Variants in ARID5A observed in about 807,000 individuals in gnomAD.
ARID5A encodes AT-rich interaction domain 5A, also known as AT-rich interactive domain-containing protein 5A.
In ARID5A, 14 loss-of-function variants were observed where a neutral mutation model predicts 30.5. The ratio of observed to expected loss-of-function variants is 0.46; its 90% CI spans 0.30 to 0.72. The LOEUF is 0.72. Ranked by LOEUF, ARID5A falls within the 30% of genes least tolerant of loss-of-function variation. The probability of loss-of-function intolerance (pLI) is 0.07; values close to 1 mark genes in which losing one functional copy is unlikely to be tolerated. For synonymous variants in ARID5A, 338 were observed against 340.4 expected, an observed-to-expected ratio of 0.99 and a Z score of 0.08; for missense variants, 669 against 786.2, an observed-to-expected ratio of 0.85 and a Z score of 1.78.
At position 96,550,405 on chromosome 2, in the gene ARID5A, C is replaced by G. The variant is rs1400627583; in HGVS notation, c.410+120C>G. On this transcript the variant is annotated intron_variant, in intron 5 of 6. Coordinates refer to ENST00000357485, the MANE Select transcript of ARID5A (RefSeq NM_212481.3). This position sits in a 1 kb window ranked among gnomAD's most constrained non-coding sequence, Gnocchi z 6.6. Reference sequence around the variant, plus strand: ...GGCAGGGTATGCGCCGTCCTCAGAGCTGCGGGAGCCCAGGCTGGCTGGGCG... The same window carrying G: ...GGCAGGGTATGCGCCGTCCTCAGAGGTGCGGGAGCCCAGGCTGGCTGGGCG... The G allele has an allele frequency of 2.1e-6, 3 of 1,431,728 alleles. No homozygotes were observed. Among genetic ancestry groups the G allele is most frequent in the Non-Finnish European group, 2.7e-6 (3 of 1,095,194 alleles). 88.7% of individuals were successfully genotyped at this position (1,431,728 alleles called of 1,614,324 possible). A position where few individuals can be genotyped will look rare whatever the true frequency, so the allele number is the denominator to read the frequency against.
intron 2 of ARID5A, among the ~76,000 whole-genome samples, chr2:96,548,082 G>C (rs1471065991): frequency 6.6e-6 from 1 of 152,168 alleles, no homozygotes; most frequent in Non-Finnish European, 1.5e-5. Flanking sequence ...AGTTATGAGA[G>C]AGCCTTCCTT....
At position 96,550,816 on chromosome 2, in the gene ARID5A, G is replaced by A; in HGVS notation, c.570+83G>A. 2 of 1,462,702 alleles carry A rather than the reference G, an allele frequency of 1.4e-6. No homozygotes were observed. Among genetic ancestry groups the A allele is most frequent in the Non-Finnish European group, 1.8e-6 (2 of 1,103,326 alleles). 90.6% of individuals were successfully genotyped at this position (1,462,702 alleles called of 1,614,324 possible). On this transcript the variant is annotated intron_variant, in intron 6 of 6. Transcript: ENST00000357485. The surrounding 1 kb of genome is among the most constrained non-coding windows in gnomAD (Gnocchi z 6.6). ...CACAACTCCCTGTGGCCGCGGAGCTGTCTGCTCAGAATACACAGAACCTGC... is the reference window on the plus strand; with the variant it reads ...CACAACTCCCTGTGGCCGCGGAGCTATCTGCTCAGAATACACAGAACCTGC...
intron 1 of ARID5A, among the ~76,000 whole-genome samples, chr2:96,545,152 TTTTC>T (rs1191472157): frequency 2.8e-5 from 4 of 141,272 alleles, no homozygotes; most frequent in African/African-American, 1.1e-4. Flanking sequence ...TTCTTTTTCT[TTTTC>T]TTTTTTTTTT....
chr2:96,552,110 C>T lies in ARID5A; in HGVS notation c.1582C>T (p.Pro528Ser). ...GGGCCAGGCTGCACTCCCCTTCAGC[C>T]CCCTGGTCATCCCGGCCTTCCCGGC... is the stretch of plus-strand genomic sequence containing the variant. ...LKGQAALPFS[P>S]LVIPAFPAHF... The change falls in exon 7 of 7, where the codon CCC (proline) becomes TCC (serine). Residue 528 changes from proline to serine, a missense_variant. Coordinates refer to ENST00000357485, the MANE Select transcript of ARID5A (RefSeq NM_212481.3). 1 of 1,608,080 alleles carries T rather than the reference C, an allele frequency of 6.2e-7. No homozygotes were observed. The highest frequency in any genetic ancestry group is 8.5e-7 in the Non-Finnish European group (1 of 1,177,284).
chr2:96,552,468 G>A lies in ARID5A; in HGVS notation c.*155G>A, dbSNP rs781208272. On this transcript the variant is annotated 3_prime_UTR_variant, in exon 7 of 7. Coordinates refer to ENST00000357485, the MANE Select transcript of ARID5A (RefSeq NM_212481.3). ...TGGCACAAGTGAAGAAGAAGGCAGT[G>A]GGAAAACTGGGTTTATCTCAAGGCA... 6.5e-7 allele frequency: 1 copy of A among 1,540,326 alleles called. No homozygotes were observed.
Position 96,539,472 on chromosome 2 carries a change from C to T in ARID5A, c.4+2642C>T, listed in dbSNP as rs1044896688. 2.6e-5 allele frequency among the ~76,000 whole-genome samples: 4 copies of T among 152,252 alleles called. No homozygotes were observed. Among genetic ancestry groups the T allele is most frequent in the African/African-American group, 4.8e-5 (2 of 41,468 alleles). ...CCACCGCCCGACTGCCTTCACCTTC[C>T]TGCCTTTGCATACCTGCCTTTGCTT... On this transcript the variant is annotated intron_variant, in intron 1 of 6. Coordinates refer to ENST00000357485, the MANE Select transcript of ARID5A (RefSeq NM_212481.3). This position sits in a 1 kb window ranked among gnomAD's most constrained non-coding sequence, Gnocchi z 4.7.
chr2:96,548,817 G>GGGCCACA (rs1437563756), intron 2 of ARID5A, among the ~76,000 whole-genome samples: 1 of 152,218 alleles, frequency 6.6e-6, no homozygotes, highest in Non-Finnish European at 1.5e-5. Flanking sequence ...CGGCAGGCTG[G>GGGCCACA]GGCCACACAG....
In ARID5A at chr2:96,550,951, A is replaced by G; in HGVS notation, c.571-148A>G. 1 of 1,197,630 alleles carries G rather than the reference A, an allele frequency of 8.3e-7. No individual in the cohort carries two copies. Among genetic ancestry groups the G allele is most frequent in the Non-Finnish European group, 1.2e-6 (1 of 856,704 alleles). 74.2% of individuals were successfully genotyped at this position (1,197,630 alleles called of 1,614,324 possible). ...CAGGCACCTGAGGCTGTGTCCACTC[A>G]GAGGACAGGGCACCTTTGGAAAATT... On this transcript the variant is annotated intron_variant, in intron 6 of 6. Coordinates refer to ENST00000357485, the MANE Select transcript of ARID5A (RefSeq NM_212481.3). The surrounding 1 kb of genome is among the most constrained non-coding windows in gnomAD (Gnocchi z 6.6).
intron 1 of ARID5A, among the ~76,000 whole-genome samples, chr2:96,544,828 C>A (rs1052479853): frequency 2.6e-5 from 4 of 152,172 alleles, no homozygotes; most frequent in African/African-American, 9.7e-5. Context: ...CTCTGATGGG[C>A]AAAATACATT....
At chr2:96,546,719 G>T (rs774385461) in intron 1 of ARID5A, among the ~76,000 whole-genome samples, 1 of 152,248 alleles carries the variant, frequency 6.6e-6, no homozygotes, top group Non-Finnish European at 1.5e-5. Flanking sequence ...ACCCTTGTAG[G>T]TGAGGAGAGC....
intron 1 of ARID5A, among the ~76,000 whole-genome samples, chr2:96,544,601 G>GA (rs1021937513): frequency 3.3e-5 from 5 of 152,156 alleles, no homozygotes; most frequent in Non-Finnish European, 5.9e-5. Context: ...CTACTGCTCA[G>GA]AAAAAAGGAT....
Position 96,538,559 on chromosome 2 carries a change from C to T in ARID5A, c.4+1729C>T, listed in dbSNP as rs568339891. 4.6e-5 allele frequency among the ~76,000 whole-genome samples: 7 copies of T among 152,350 alleles called. No individual in the cohort carries two copies. The East Asian group carries it at 1.3e-3, about 29-fold the overall frequency. ...CCATCGCGTTTCTTCTCACTGCTGG[C>T]TCCAGCTCAACACTTGGCAGGCCCC... On this transcript the variant is annotated intron_variant, in intron 1 of 6. Transcript: ENST00000357485.
At position 96,542,541 on chromosome 2, in the gene ARID5A, C is replaced by T. The variant is rs187258651; in HGVS notation, c.5-4861C>T. 1.5e-3 allele frequency among the ~76,000 whole-genome samples: 223 copies of T among 152,300 alleles called. 1 individual carries two copies. The highest frequency in any genetic ancestry group is 5.1e-3 in the African/African-American group (211 of 41,560). ...GCAGAAGGGACTAGGGCCCCTCTCGCCCTGTGGCTCACAACCTGGCTGCCC... is the reference window on the plus strand; with the variant it reads ...GCAGAAGGGACTAGGGCCCCTCTCGTCCTGTGGCTCACAACCTGGCTGCCC... On this transcript the variant is annotated intron_variant, in intron 1 of 6. Coordinates refer to ENST00000357485, the MANE Select transcript of ARID5A (RefSeq NM_212481.3).
chr2:96,537,743 T>G lies in ARID5A; in HGVS notation c.4+913T>G. On this transcript the variant is annotated intron_variant, in intron 1 of 6. Coordinates refer to ENST00000357485, the MANE Select transcript of ARID5A (RefSeq NM_212481.3). The surrounding 1 kb of genome is among the most constrained non-coding windows in gnomAD (Gnocchi z 4.8). ...GGGCCCGCGCTCCGTCCCTCCGCGG[T>G]GTCTAGGGGTCGCCCGGGCTGGGGT... 5 of 495,274 alleles carry G rather than the reference T, an allele frequency of 1.0e-5. No homozygotes were observed. The highest frequency in any genetic ancestry group is 1.3e-5 in the Non-Finnish European group (5 of 382,382). The allele number at this position is 495,274 out of a possible 1,614,324, so 30.7% of individuals were successfully genotyped here. A position where few individuals can be genotyped will look rare whatever the true frequency, so the allele number is the denominator to read the frequency against.
rs751034115 is a variant in ARID5A, at chr2:96,551,347, G to A, written c.819G>A (p.Leu273=). The part of the protein sequence containing the change: ...LLAQVSKVEA[L]QCQEEGCRHG... ...CCCAGGTGAGCAAGGTGGAGGCCTTGCAGTGCCAGGAGGAGGGCTGCCGCC... is the reference window on the plus strand; with the variant it reads ...CCCAGGTGAGCAAGGTGGAGGCCTTACAGTGCCAGGAGGAGGGCTGCCGCC... Residue 273 remains leucine, a synonymous_variant, in exon 7 of 7, where the codon TTG becomes TTA. Coordinates refer to ENST00000357485, the MANE Select transcript of ARID5A (RefSeq NM_212481.3). The A allele has an allele frequency of 4.3e-6, 7 of 1,613,244 alleles. No homozygotes were observed. In the South Asian group the frequency reaches 6.6e-5, roughly 15 times the overall value.
In ARID5A at chr2:96,552,530, T is replaced by G. The variant is rs749119698; in HGVS notation, c.*217T>G. 6 of 1,531,528 alleles carry G rather than the reference T, an allele frequency of 3.9e-6. No homozygotes were observed. In the African/African-American group the frequency reaches 6.9e-5, roughly 17 times the overall value. 94.9% of individuals were successfully genotyped at this position (1,531,528 alleles called of 1,614,324 possible). On this transcript the variant is annotated 3_prime_UTR_variant, in exon 7 of 7. Transcript: ENST00000357485. ...CCAGGAGCAGAGGACCCAGTTGTTA[T>G]AAGGCGCTGGGAGAGGATGGGCAGC...
At position 96,537,841 on chromosome 2, in the gene ARID5A, C is replaced by A. The variant is rs2065768621; in HGVS notation, c.4+1011C>A. 1.0e-6 allele frequency: 1 copy of A among 984,852 alleles called. No individual in the cohort carries two copies. The highest frequency in any genetic ancestry group is 1.7e-5 in the African/African-American group (1 of 57,220). The allele number at this position is 984,852 out of a possible 1,614,324, so 61.0% of individuals were successfully genotyped here. On this transcript the variant is annotated intron_variant, in intron 1 of 6. Coordinates refer to ENST00000357485, the MANE Select transcript of ARID5A (RefSeq NM_212481.3). This position sits in a 1 kb window ranked among gnomAD's most constrained non-coding sequence, Gnocchi z 4.8. Reference sequence around the variant, plus strand: ...AGGACCCCCGAGGGCCCAGGGGGTCCCAAGGCGCTGCGGGTCCAGTGTCCC... The same window carrying A: ...AGGACCCCCGAGGGCCCAGGGGGTCACAAGGCGCTGCGGGTCCAGTGTCCC...
intron 2 of ARID5A, 32 bp downstream of exon 2, chr2:96,547,549 C>A: frequency 6.3e-7 from 1 of 1,597,966 alleles, no homozygotes; most frequent in South Asian, 1.1e-5. Context: ...ACTCCCTGGG[C>A]ACTCTTCCCT....
At position 96,552,601 on chromosome 2, in the gene ARID5A, GA is replaced by G; in HGVS notation, c.*292del. ...GCTCGAAGCACCCAGGTTGCCCACG[GA>G]AAATCCAATAAAAAGACACCAGTGT... On this transcript the variant is annotated 3_prime_UTR_variant, in exon 7 of 7. Transcript: ENST00000357485. 6.9e-7 allele frequency: 1 copy of G among 1,459,682 alleles called. No homozygotes were observed. The highest frequency in any genetic ancestry group is 9.0e-7 in the Non-Finnish European group (1 of 1,105,840). The allele number at this position is 1,459,682 out of a possible 1,614,324, so 90.4% of individuals were successfully genotyped here. A position where few individuals can be genotyped will look rare whatever the true frequency, so the allele number is the denominator to read the frequency against.
Sources: allele counts gnomAD v4.1 joint callset (sites outside exome capture counted in the v4.1 genomes callset), GRCh38; gene constraint gnomAD v4.1.1; non-coding constraint Gnocchi (gnomAD v3.1); transcripts MANE v1.5; gene names NCBI Gene and HGNC (gene_info 2026-07-23, HGNC 2026-07-21).